The following SLC9B1 variants were observed in gnomAD, a reference collection of about 807,000 sequenced individuals.
SLC9B1 encodes the protein sodium/hydrogen exchanger 9B1.
SLC9B1 carries 32 observed loss-of-function variants against 51.7 expected under a neutral mutation model. The ratio of observed to expected loss-of-function variants is 0.62; its 90% CI spans 0.47 to 0.83. The LOEUF (loss-of-function observed/expected upper bound fraction) is 0.83. Ranked by LOEUF, SLC9B1 falls within the 40% of genes least tolerant of loss-of-function variation. The pLI is 0.00. For synonymous variants in SLC9B1, 145 were observed against 212.7 expected, an observed-to-expected ratio of 0.68 and a Z score of 2.77; for missense variants, 406 against 613.2, an observed-to-expected ratio of 0.66 and a Z score of 3.57.
rs189483198 is a variant in SLC9B1, at chr4:102,982,834, G to C, written c.211+6966C>G. Among the ~76,000 whole-genome samples the C allele has an allele frequency of 5.0e-3, 754 of 152,126 alleles. 4 individuals are homozygous for C. The highest frequency in any genetic ancestry group is 0.017 in the African/African-American group (710 of 41,530). ...TACAATCATCTTATCTGTAAACAAA[G>C]ACAAATTTATTTCTTCCTTCCTAAC... On this transcript the variant is annotated intron_variant, in intron 3 of 11. Transcript: ENST00000296422.
intron 6 of SLC9B1, among the ~76,000 whole-genome samples, chr4:102,937,720 C>T (rs1310773197): frequency 1.4e-4 from 9 of 65,934 alleles, no homozygotes; most frequent in African/African-American, 6.6e-4. Context: ...AACACTCTGT[C>T]GCCAAAAAAA....
At chr4:102,901,506 T>A (rs1340668667) in intron 11 of SLC9B1, among the ~76,000 whole-genome samples, 174 bp from the exon 12 acceptor site, 1 of 152,224 alleles carries the variant, frequency 6.6e-6, no homozygotes, top group Non-Finnish European at 1.5e-5. Context: ...AGCAAATATA[T>A]GTGGAGGAAG....
chr4:102,991,952 A>G (rs1362263300), intron 1 of SLC9B1, among the ~76,000 whole-genome samples: 3 of 152,284 alleles, frequency 2.0e-5, no homozygotes, highest in East Asian at 1.9e-4. Context: ...ATATTTCTCA[A>G]CAGTTCATAA....
intron 1 of SLC9B1, among the ~76,000 whole-genome samples, chr4:103,001,857 CA>C (rs1740540197): frequency 6.6e-6 from 1 of 152,132 alleles, no homozygotes; most frequent in Non-Finnish European, 1.5e-5. Context: ...AAGAACTGCC[CA>C]ACATTAGGTA....
rs187133895 is a variant in SLC9B1, at chr4:102,925,222, G to A, written c.829+6902C>T. Among the ~76,000 whole-genome samples the A allele has an allele frequency of 3.0e-3, 461 of 152,252 alleles. 5 individuals carry two copies. Among genetic ancestry groups the A allele is most frequent in the Non-Finnish European group, 2.2e-3 (153 of 68,006 alleles). ...CATATACACCATGGAATACTATGCA[G>A]CCATAAAAAGGATGAGTTCCTGTCC... On this transcript the variant is annotated intron_variant, in intron 7 of 11. Transcript: ENST00000296422.
intron 1 of SLC9B1, among the ~76,000 whole-genome samples, chr4:103,007,877 T>C (rs1054552534): frequency 6.6e-6 from 1 of 152,122 alleles, no homozygotes; most frequent in Non-Finnish European, 1.5e-5. Flanking sequence ...TTATTGGGCA[T>C]AGTACTATCT....
chr4:102,967,231 T>C (rs1738476303), intron 3 of SLC9B1, among the ~76,000 whole-genome samples: 1 of 152,234 alleles, frequency 6.6e-6, no homozygotes, highest in South Asian at 2.1e-4. Flanking sequence ...AAATTATCCT[T>C]AATGCTCTGT....
At chr4:102,885,536 A>G (rs1196759062) in intron 11 of SLC9B1, 1 of 861,866 alleles carries the variant, frequency 1.2e-6, no homozygotes, top group Non-Finnish European at 1.9e-6. Context: ...ATTTTCTGTA[A>G]TATTTGGTAT....
chr4:102,923,401 T>C (rs6533034), intron 7 of SLC9B1, among the ~76,000 whole-genome samples: 57,374 of 151,356 alleles, frequency 0.38, 10,890 homozygotes, highest in African/African-American at 0.46. Context: ...TAGGTATTGA[T>C]GGGACGTATC....
chr4:102,925,176 C>T (rs936595439), intron 7 of SLC9B1, among the ~76,000 whole-genome samples: 9 of 152,098 alleles, frequency 5.9e-5, no homozygotes, highest in African/African-American at 1.7e-4. Flanking sequence ...CAATGATAGA[C>T]TGGATTAAGA....
intron 3 of SLC9B1, among the ~76,000 whole-genome samples, chr4:102,968,147 AAG>A (rs1245775836): frequency 6.6e-6 from 1 of 152,232 alleles, no homozygotes; most frequent in Admixed American, 6.5e-5. Flanking sequence ...AATCCACATT[AAG>A]AGAGATAGAT....
chr4:102,984,139 C>G (rs1739497628), intron 3 of SLC9B1, among the ~76,000 whole-genome samples: 1 of 151,852 alleles, frequency 6.6e-6, no homozygotes, highest in East Asian at 1.9e-4. Context: ...TTTATTGAGA[C>G]AGAGTCTCAC....
chr4:102,898,094 T>C (rs1734620186), downstream of SLC9B1: 1 of 493,088 alleles, frequency 2.0e-6, no homozygotes. Flanking sequence ...TGTTGGAGAT[T>C]GGTTATTTAG....
chr4:102,913,058 TG>T (rs1735412854), intron 7 of SLC9B1, among the ~76,000 whole-genome samples: 1 of 152,104 alleles, frequency 6.6e-6, no homozygotes, highest in African/African-American at 2.4e-5. Context: ...ATAGTGGCAT[TG>T]AACAAATAAG....
At chr4:102,940,902 G>C (rs1736962424) in intron 6 of SLC9B1, among the ~76,000 whole-genome samples, 1 of 152,098 alleles carries the variant, frequency 6.6e-6, no homozygotes, top group Non-Finnish European at 1.5e-5. Flanking sequence ...AAATTGTGCT[G>C]GGATAACTGG....
chr4:102,928,074 C>T (rs1299341819), intron 7 of SLC9B1, among the ~76,000 whole-genome samples: 7 of 107,114 alleles, frequency 6.5e-5, no homozygotes, highest in Non-Finnish European at 1.1e-4. Flanking sequence ...TGGGGCCTGT[C>T]GGGGGGTGGA....
At chr4:102,916,858 T>A (rs1560925325) in intron 7 of SLC9B1, among the ~76,000 whole-genome samples, 2 of 152,230 alleles carry the variant, frequency 1.3e-5, no homozygotes, top group Non-Finnish European at 2.9e-5. Context: ...TAATATTAAT[T>A]GTCAATTTGA....
At chr4:102,921,390 T>C (rs1031491781) in intron 7 of SLC9B1, among the ~76,000 whole-genome samples, 9 of 152,128 alleles carry the variant, frequency 5.9e-5, no homozygotes, top group African/African-American at 1.7e-4. Context: ...CAGGCCTGCC[T>C]TACAAGAGCT....
chr4:102,946,691 G>A lies in SLC9B1; in HGVS notation c.481C>T (p.Leu161Phe). 1.9e-6 allele frequency: 3 copies of A among 1,610,448 alleles called. No homozygotes were observed. The highest frequency in any genetic ancestry group is 2.2e-5 in the South Asian group (2 of 90,642). Residue 161 changes from leucine (L) to phenylalanine (F), a missense_variant, in exon 5 of 12, where the codon CTT becomes TTT. By Grantham distance (22) the Leu-to-Phe change is conservative. Transcript: ENST00000296422. The part of the protein sequence containing the change: ...TWSSILRSIA[L>F]TIILIRAGLG... ...CCAGCTCTTATTAGAATAATGGTAA[G>A]GGCAATGCTTCTTAAAATTGAAGAC...
Sources: allele counts gnomAD v4.1 joint callset (sites outside exome capture counted in the v4.1 genomes callset), GRCh38; gene constraint gnomAD v4.1.1; transcripts MANE v1.5; gene names NCBI Gene and HGNC (gene_info 2026-07-23, HGNC 2026-07-21).